SMARCA2: variants seen among roughly 807,000 people sequenced by gnomAD.
SMARCA2 encodes SWI/SNF related BAF chromatin remodeling complex subunit ATPase 2, also known as SWI/SNF-related matrix-associated actin-dependent regulator of chromatin subfamily A member 2.
In SMARCA2, 61 loss-of-function variants were observed where a neutral mutation model predicts 199.8. The observed-to-expected ratio is 0.31, with a 90% confidence interval of 0.25 to 0.38. The LOEUF is 0.38. SMARCA2 is among the 10% of genes least tolerant of loss of function. SMARCA2 has a pLI of 1.00. For synonymous variants in SMARCA2, 935 were observed against 732.0 expected (o/e 1.28, Z -4.48); for missense variants, 1,344 against 2,012.2 (o/e 0.67, Z 6.35).
At chr9:2,122,490 A>C (rs1393103479) in intron 26 of SMARCA2, among the ~76,000 whole-genome samples, 4 of 152,200 alleles carry the variant, frequency 2.6e-5, no homozygotes, top group African/African-American at 7.2e-5. Context: ...AAGCATCGTG[A>C]GCTAATTATA....
chr9:2,043,546 TG>T (rs1305819695), intron 4 of SMARCA2: 1 of 152,192 alleles, frequency 6.6e-6, no homozygotes, highest in African/African-American at 2.4e-5. Context: ...GAAAATAAAG[TG>T]TTTTTTTTGA....
intron 20 of SMARCA2, 69 bp from the exon 21 acceptor site, chr9:2,097,316 G>A: frequency 2.0e-6 from 2 of 990,984 alleles, no homozygotes; most frequent in Admixed American, 1.8e-5. Context: ...AAGAAGCCCA[G>A]TGTGAAGGAT....
intron 25 of SMARCA2, among the ~76,000 whole-genome samples, chr9:2,117,810 C>T (rs1050549435): frequency 2.0e-5 from 3 of 152,210 alleles, no homozygotes; most frequent in African/African-American, 7.2e-5. Context: ...AGGCTCCTGT[C>T]CCTTCTTGGC....
At chr9:2,130,029 C>T (rs10811507) in intron 27 of SMARCA2, among the ~76,000 whole-genome samples, 46,710 of 151,826 alleles carry the variant, frequency 0.31, 12,089 homozygotes, top group African/African-American at 0.7. Context: ...AATTATTGTA[C>T]GTTTTGTAGA....
chr9:2,102,831 T>A (rs1822582487), intron 22 of SMARCA2, among the ~76,000 whole-genome samples: 1 of 152,134 alleles, frequency 6.6e-6, no homozygotes, highest in Admixed American at 6.6e-5. Flanking sequence ...TGACTTTTCA[T>A]TGCACTGAAA....
At chr9:2,184,659 A>G (rs1262264002) in intron 31 of SMARCA2, among the ~76,000 whole-genome samples, 1 of 152,114 alleles carries the variant, frequency 6.6e-6, no homozygotes, top group South Asian at 2.1e-4. Context: ...GCCCAAGACA[A>G]TATCTTAAGC....
intron 1 of SMARCA2, among the ~76,000 whole-genome samples, chr9:2,024,157 A>G (rs533520792): frequency 1.3e-5 from 2 of 152,288 alleles, no homozygotes; most frequent in Admixed American, 1.3e-4. Context: ...TGCTGCCCCA[A>G]ACTCTGCGAC....
rs1827864772 is a variant in SMARCA2 at position 2,191,305 on chromosome 9, A to T, written c.4634A>T (p.Asp1545Val). ...VKVKIKLNKK[D>V]DKGRDKGKGK... is the part of the protein sequence containing the mutation. ...GTGAAAATTAAGCTCAATAAAAAAGATGACAAAGGCCGGGACAAAGGGAAA... is the reference window on the plus strand; with the variant it reads ...GTGAAAATTAAGCTCAATAAAAAAGTTGACAAAGGCCGGGACAAAGGGAAA... The change falls in exon 33 of 34, where the codon GAT (aspartate) becomes GTT (valine). Residue 1545 changes from aspartate to valine, a missense_variant. This residue lies in a region of SMARCA2 where 155 missense variants were observed against 121.1 expected (regional missense o/e 1.28). Coordinates refer to ENST00000349721, the MANE Select transcript of SMARCA2 (RefSeq NM_003070.5). 6.2e-7 allele frequency: 1 copy of T among 1,614,236 alleles called. No individual in the cohort carries two copies. Among genetic ancestry groups the T allele is most frequent in the African/African-American group, 1.3e-5 (1 of 75,054 alleles).
rs921435640 is a variant in SMARCA2 at position 2,169,120 on chromosome 9, A to G, written c.4200-1299A>G. ...TCTGTGCCTTATTGCTGACACTCAG[A>G]GTCCCCTCAACCTGCTCCTAATTGT... On this transcript the variant is annotated intron_variant, in intron 28 of 33. Transcript: ENST00000349721. This position sits in a 1 kb window ranked among gnomAD's most constrained non-coding sequence, Gnocchi z 6.5. Among the ~76,000 whole-genome samples, 6 of 152,142 alleles carry G rather than the reference A, an allele frequency of 3.9e-5. No individual in the cohort carries two copies. The highest frequency in any genetic ancestry group is 5.9e-5 in the Non-Finnish European group (4 of 68,018).
intron 4 of SMARCA2, chr9:2,043,929 G>A (rs1819722622): frequency 6.6e-6 from 1 of 152,196 alleles, no homozygotes; most frequent in African/African-American, 2.4e-5. Context: ...TGACAATGAA[G>A]CCTAAATTGT....
At chr9:2,142,463 G>A (rs1013949359) in intron 27 of SMARCA2, among the ~76,000 whole-genome samples, 1 of 152,090 alleles carries the variant, frequency 6.6e-6, no homozygotes, top group South Asian at 2.1e-4. Flanking sequence ...TCTCTCTCCT[G>A]ATTTCTCAGA....
chr9:2,107,112 A>C (rs542607621), intron 23 of SMARCA2, among the ~76,000 whole-genome samples: 1 of 151,932 alleles, frequency 6.6e-6, no homozygotes, highest in African/African-American at 2.4e-5. Context: ...TAAATTTAAC[A>C]AAAAAAATTT....
At chr9:2,171,229 T>C (rs1201703480) in intron 29 of SMARCA2, among the ~76,000 whole-genome samples, 1 of 152,210 alleles carries the variant, frequency 6.6e-6, no homozygotes, top group Non-Finnish European at 1.5e-5. Flanking sequence ...CTTTCTCCAT[T>C]TCGGTCAACC....
intron 22 of SMARCA2, among the ~76,000 whole-genome samples, chr9:2,103,245 G>C (rs1485194385): frequency 2.6e-5 from 4 of 152,118 alleles, no homozygotes; most frequent in African/African-American, 9.7e-5. Context: ...TGCCACACCT[G>C]CTCAGCGTAG....
intron 27 of SMARCA2, among the ~76,000 whole-genome samples, chr9:2,126,478 C>T (rs962499189): frequency 6.6e-6 from 1 of 152,202 alleles, no homozygotes; most frequent in Non-Finnish European, 1.5e-5. Context: ...TATTTAATAT[C>T]AGCCTGTTAA....
At chr9:2,191,503 T>C in intron 33 of SMARCA2, 95 bp downstream of exon 33, 2 of 1,341,846 alleles carry the variant, frequency 1.5e-6, no homozygotes, top group East Asian at 2.3e-5. Context: ...TTTCGCTTTA[T>C]TACCCAGGAC....
chr9:2,155,750 T>C (rs1164138473), intron 27 of SMARCA2, among the ~76,000 whole-genome samples: 2 of 56,642 alleles, frequency 3.5e-5, no homozygotes, highest in African/African-American at 1.4e-4. Context: ...TTTTTTTTTT[T>C]TTTTTTTTCA....
intron 24 of SMARCA2, among the ~76,000 whole-genome samples, chr9:2,111,491 C>T (rs905161892): frequency 2.3e-5 from 2 of 86,980 alleles, no homozygotes; most frequent in Non-Finnish European, 5.1e-5. Context: ...GACCGTGTCT[C>T]AAAAAAAAAA....
At chr9:2,066,734 A>T (rs2130390753) in intron 9 of SMARCA2, among the ~76,000 whole-genome samples, 1 of 152,324 alleles carries the variant, frequency 6.6e-6, no homozygotes, top group South Asian at 2.1e-4. Flanking sequence ...CTTAATATTG[A>T]TAGCATGTGT....
Sources: allele counts gnomAD v4.1 joint callset (sites outside exome capture counted in the v4.1 genomes callset), GRCh38; gene constraint gnomAD v4.1.1; regional missense constraint gnomAD v4.1.1; non-coding constraint Gnocchi (gnomAD v3.1); transcripts MANE v1.5; gene names NCBI Gene and HGNC (gene_info 2026-07-23, HGNC 2026-07-21).